Variants in UPK1B observed in about 807,000 individuals in gnomAD.
The protein encoded by UPK1B is uroplakin 1B, also known as uroplakin-1b.
UPK1B carries 28 observed loss-of-function variants against 34.2 expected under a neutral mutation model. The observed-to-expected ratio is 0.82, with a 90% CI of 0.61 to 1.12. UPK1B has a LOEUF of 1.12. UPK1B is among the 50% of genes most tolerant of loss of function. The pLI, the probability that UPK1B is intolerant of heterozygous loss-of-function variation, is 0.00. For missense variants in UPK1B, 325 were observed against 320.9 expected (o/e 1.01, Z -0.10); for synonymous variants, 81 against 110.4 (o/e 0.73, Z 1.67).
intron 6 of UPK1B, among the ~76,000 whole-genome samples, 188 bp from the exon 7 acceptor site, chr3:119,198,869 G>A (rs977922435): frequency 2.0e-5 from 3 of 152,228 alleles, no homozygotes; most frequent in Non-Finnish European, 2.9e-5. Context: ...TTGTTCAACA[G>A]TATTGTTTAT....
chr3:119,200,681 G>A (rs2078087006), intron 7 of UPK1B, among the ~76,000 whole-genome samples: 1 of 152,142 alleles, frequency 6.6e-6, no homozygotes, highest in African/African-American at 2.4e-5. Context: ...GTTTTCCAAG[G>A]TTCTGATTTT....
intron 7 of UPK1B, 101 bp from the exon 8 acceptor site, chr3:119,203,816 T>C (rs2078106293): frequency 8.2e-7 from 1 of 1,219,016 alleles, no homozygotes; most frequent in South Asian, 1.3e-5. Flanking sequence ...AAAAATCTGT[T>C]GTCACCTAAG....
At chr3:119,174,716 T>C (rs2077944577) in intron 1 of UPK1B, among the ~76,000 whole-genome samples, 1 of 152,244 alleles carries the variant, frequency 6.6e-6, no homozygotes, top group Non-Finnish European at 1.5e-5. Context: ...GTTTTATAGA[T>C]ATACATACTT....
At chr3:119,203,361 A>G (rs796423389) in intron 7 of UPK1B, among the ~76,000 whole-genome samples, 1 of 151,250 alleles carries the variant, frequency 6.6e-6, no homozygotes, top group African/African-American at 2.4e-5. Flanking sequence ...AAAAAAAAAA[A>G]AAAAAAATCT....
intron 5 of UPK1B, among the ~76,000 whole-genome samples, chr3:119,192,055 T>C (rs1032989148): frequency 2.0e-5 from 3 of 152,238 alleles, no homozygotes; most frequent in African/African-American, 4.8e-5. Context: ...AAAGATTTTG[T>C]CTTTCTCCCC....
intron 1 of UPK1B, among the ~76,000 whole-genome samples, chr3:119,175,007 A>ATTTTTTTTTTTTTTT (rs2077948006): frequency 1.0e-4 from 4 of 39,722 alleles, no homozygotes; most frequent in Admixed American, 2.9e-4. Flanking sequence ...TTTTTCTTTT[A>ATTTTTTTTTTTTTTT]TTTTCTTTTT....
In UPK1B at chr3:119,191,144, C is replaced by T. The variant is rs200531778; in HGVS notation, c.468+40C>T. 1.8e-5 allele frequency: 29 copies of T among 1,608,672 alleles called. No homozygotes were observed. The East Asian group carries it at 4.2e-4, about 24-fold the overall frequency. ...CTTGGGGAGATGCCATTTTTACTTA[C>T]TGGTGGGAGTGGGTGTCATACACAT... On this transcript the variant is annotated intron_variant, in intron 5 of 7. Coordinates refer to ENST00000264234, the MANE Select transcript of UPK1B (RefSeq NM_006952.4).
At chr3:119,197,171 T>G (rs1302184635) in intron 6 of UPK1B, among the ~76,000 whole-genome samples, 1 of 152,164 alleles carries the variant, frequency 6.6e-6, no homozygotes, top group Non-Finnish European at 1.5e-5. Flanking sequence ...TAGTAGAAAT[T>G]AACTAGAATT....
intron 1 of UPK1B, among the ~76,000 whole-genome samples, chr3:119,178,061 G>T (rs749377482): frequency 6.6e-6 from 1 of 151,520 alleles, no homozygotes; most frequent in Non-Finnish European, 1.5e-5. Flanking sequence ...GCACAGCATG[G>T]TGGCATGACC....
rs151178694 is a variant in UPK1B at position 119,188,348 on chromosome 3, A to G, written c.270+373A>G. Among the ~76,000 whole-genome samples, 1,054 of 152,340 alleles carry G rather than the reference A, an allele frequency of 6.9e-3. 11 individuals carry two copies. Among genetic ancestry groups the G allele is most frequent in the African/African-American group, 0.025 (1,031 of 41,568 alleles). ...CATTAGATTTTTTTCTCTTGGCAAT[A>G]ACTTGTTTAAAACATTTTGATATTA... On this transcript the variant is annotated intron_variant, in intron 3 of 7. Transcript: ENST00000264234.
chr3:119,189,688 C>T (rs1393418337), intron 3 of UPK1B, among the ~76,000 whole-genome samples: 1 of 152,226 alleles, frequency 6.6e-6, no homozygotes, highest in Non-Finnish European at 1.5e-5. Context: ...CCTGCCTCTC[C>T]TCTGATGAGA....
intron 5 of UPK1B, among the ~76,000 whole-genome samples, chr3:119,192,896 G>C (rs1469688310): frequency 2.0e-5 from 3 of 152,262 alleles, no homozygotes; most frequent in East Asian, 3.9e-4. Flanking sequence ...TCCTACTACT[G>C]TTTTGTTTTA....
intron 1 of UPK1B, among the ~76,000 whole-genome samples, chr3:119,174,695 G>T (rs2077944473): frequency 6.6e-6 from 1 of 152,166 alleles, no homozygotes; most frequent in South Asian, 2.1e-4. Context: ...CAACAGGAAA[G>T]AACTCATTAG....
At chr3:119,177,639 C>A (rs1262472324) in intron 1 of UPK1B, among the ~76,000 whole-genome samples, 3 of 152,238 alleles carry the variant, frequency 2.0e-5, no homozygotes, top group Non-Finnish European at 4.4e-5. Context: ...AAAGTGTAGT[C>A]ATTGACTTCT....
rs1444543898 is a variant in UPK1B at position 119,187,779 on chromosome 3, G to A, written c.74G>A (p.Cys25Tyr). The change falls in exon 3 of 8, where the codon TGC becomes TAC. Residue 25 changes from cysteine to tyrosine, a missense_variant. Coordinates refer to ENST00000264234, the MANE Select transcript of UPK1B (RefSeq NM_006952.4). ...LIFGNVIIGC[C>Y]GIALTAECIF... The stretch of plus-strand genomic sequence containing the variant: ...CCACCTTTCATTTGCCCCCAGTGTT[G>A]CGGCATTGCCCTGACTGCGGAGTGC... 6.2e-7 allele frequency: 1 copy of A among 1,609,908 alleles called. No individual in the cohort carries two copies. The highest frequency in any genetic ancestry group is 1.1e-5 in the South Asian group (1 of 90,912).
intron 1 of UPK1B, among the ~76,000 whole-genome samples, chr3:119,174,872 T>G (rs1416987349): frequency 6.8e-6 from 1 of 146,132 alleles, no homozygotes; most frequent in Non-Finnish European, 1.5e-5. Flanking sequence ...TATAAAATAG[T>G]CTTTAAAATC....
At chr3:119,189,294 G>T (rs2078033654) in intron 3 of UPK1B, among the ~76,000 whole-genome samples, 1 of 152,200 alleles carries the variant, frequency 6.6e-6, no homozygotes, top group African/African-American at 2.4e-5. Context: ...ATTCTGGGCT[G>T]AGTAGTGAGG....
chr3:119,194,173 A>G (rs1161667296), intron 5 of UPK1B, 46 bp from the exon 6 acceptor site: 1 of 1,595,244 alleles, frequency 6.3e-7, no homozygotes. Context: ...TGATGGCTCT[A>G]GTAGGGACCA....
chr3:119,187,783 C>G lies in UPK1B; in HGVS notation c.78C>G (p.Gly26=), dbSNP rs762178379. The G allele has an allele frequency of 6.2e-7, 1 of 1,613,704 alleles. No individual in the cohort carries two copies. Among genetic ancestry groups the G allele is most frequent in the Non-Finnish European group, 8.5e-7 (1 of 1,179,926 alleles). The change falls in exon 3 of 8, where the codon GGC becomes GGG. Residue 26 remains glycine (G), a synonymous_variant. Coordinates refer to ENST00000264234, the MANE Select transcript of UPK1B (RefSeq NM_006952.4). ...CTTTCATTTGCCCCCAGTGTTGCGGCATTGCCCTGACTGCGGAGTGCATCT... is the reference window on the plus strand; with the variant it reads ...CTTTCATTTGCCCCCAGTGTTGCGGGATTGCCCTGACTGCGGAGTGCATCT... ...IFGNVIIGCC[G]IALTAECIFF...
Sources: gnomAD v4.1 joint callset for allele counts (sites outside exome capture counted in the v4.1 genomes callset) on GRCh38, gnomAD v4.1.1 for gene constraint, MANE v1.5 for transcripts, NCBI Gene and HGNC (gene_info 2026-07-23, HGNC 2026-07-21) for gene names.